ERBB4: variants seen among roughly 807,000 people sequenced by gnomAD.
The protein encoded by ERBB4 is receptor tyrosine-protein kinase erbB-4.
A neutral mutation model predicts 158.0 loss-of-function variants in ERBB4; 42 were observed. The ratio of observed to expected loss-of-function variants is 0.27; its 90% CI spans 0.21 to 0.34. The LOEUF is 0.34. Ranked by LOEUF, ERBB4 falls within the 10% of genes least tolerant of loss-of-function variation. The probability of loss-of-function intolerance (pLI) is 1.00; values close to 1 mark genes in which losing one functional copy is unlikely to be tolerated. For missense variants in ERBB4, 1,333 were observed against 1,624.1 expected (o/e 0.82, Z 3.08); for synonymous variants, 583 against 558.7 (o/e 1.04, Z -0.61).
chr2:212,407,058 T>C (rs567907626), intron 1 of ERBB4, among the ~76,000 whole-genome samples: 1 of 152,150 alleles, frequency 6.6e-6, no homozygotes, highest in East Asian at 1.9e-4. Context: ...CCACTGCCCA[T>C]ATTCCCTATG....
Position 212,373,904 on chromosome 2 carries a change from C to T in ERBB4, c.82+164545G>A, listed in dbSNP as rs1328103528. On this transcript the variant is annotated intron_variant, in intron 1 of 27. Transcript: ENST00000342788. ...ATGTATATATCCATATATATATATC[C>T]ATGTATATATCCATATATATATATC... Among the ~76,000 whole-genome samples the T allele has an allele frequency of 7.8e-5, 8 of 102,764 alleles. 2 individuals are homozygous for T. The highest frequency in any genetic ancestry group is 2.8e-4 in the African/African-American group (7 of 25,350). The allele number at this position is 102,764 out of a possible 152,430, so 67.4% of individuals were successfully genotyped here.
chr2:211,890,667 C>T lies in ERBB4; in HGVS notation c.421+56763G>A, dbSNP rs968715955. Among the ~76,000 whole-genome samples the T allele has an allele frequency of 7.6e-5, 10 of 131,856 alleles. No individual in the cohort carries two copies. In the East Asian group the frequency reaches 8.5e-4, roughly 11 times the overall value. 86.5% of individuals were successfully genotyped at this position (131,856 alleles called of 152,430 possible). On this transcript the variant is annotated intron_variant, in intron 3 of 27. Transcript: ENST00000342788. Reference sequence around the variant, plus strand: ...TGCTGTATTCAGGAAACCCATCTCACGTGCAGAGACACACATAGGCTCAAA... The same window carrying T: ...TGCTGTATTCAGGAAACCCATCTCATGTGCAGAGACACACATAGGCTCAAA...
chr2:212,408,565 C>A lies in ERBB4; in HGVS notation c.82+129884G>T, dbSNP rs532756667. Among the ~76,000 whole-genome samples, 4 of 152,140 alleles carry A rather than the reference C, an allele frequency of 2.6e-5. No homozygotes were observed. The South Asian group carries it at 8.3e-4, about 32-fold the overall frequency. On this transcript the variant is annotated intron_variant, in intron 1 of 27. Transcript: ENST00000342788. Reference sequence around the variant, plus strand: ...GGCTGAGTCAGGAGTATCCCTTGAGCCCAGGAGTTCAAAGCTGTAGTGAAC... The same window carrying A: ...GGCTGAGTCAGGAGTATCCCTTGAGACCAGGAGTTCAAAGCTGTAGTGAAC...
chr2:212,315,861 A>C (rs1188432520), intron 1 of ERBB4, among the ~76,000 whole-genome samples: 2 of 151,524 alleles, frequency 1.3e-5, no homozygotes, highest in Non-Finnish European at 3.0e-5. Context: ...TTATTTTCTA[A>C]AAGTAACAAT....
chr2:212,298,400 A>G (rs1439127945), intron 1 of ERBB4, among the ~76,000 whole-genome samples: 1 of 151,788 alleles, frequency 6.6e-6, no homozygotes, highest in Non-Finnish European at 1.5e-5. Flanking sequence ...GGAATTAAAA[A>G]ACAATATTCT....
rs202145865 is a variant in ERBB4, at chr2:211,411,888, TATTA to T, written c.3135+8549_3135+8552del. Among the ~76,000 whole-genome samples the T allele has an allele frequency of 6.1e-3, 926 of 152,296 alleles. 10 individuals are homozygous for T. Among genetic ancestry groups the T allele is most frequent in the African/African-American group, 0.019 (790 of 41,554 alleles). ...GCCAATAAATGATAAAGCATGGAAA[TATTA>T]ATTAATATTGTATTTCACTTGGTAC... On this transcript the variant is annotated intron_variant, in intron 25 of 27. Transcript: ENST00000342788.
At chr2:211,852,533 G>A (rs1009925338) in intron 3 of ERBB4, among the ~76,000 whole-genome samples, 2 of 151,688 alleles carry the variant, frequency 1.3e-5, no homozygotes, top group Non-Finnish European at 2.9e-5. Context: ...CATACAGCAG[G>A]TCCTCAAATT....
Position 211,931,624 on chromosome 2 carries a change from GA to G in ERBB4, c.421+15805del, listed in dbSNP as rs61246270. Among the ~76,000 whole-genome samples the G allele has an allele frequency of 1.1e-4, 16 of 150,256 alleles. No individual in the cohort carries two copies. In the East Asian group the frequency reaches 1.4e-3, roughly 13 times the overall value. The stretch of plus-strand genomic sequence containing the variant: ...TTATCAAATAATGAAAGGAAAGAAA[GA>G]AAAAAAAACTAAGAAAATTATTCTT... On this transcript the variant is annotated intron_variant, in intron 3 of 27. Coordinates refer to ENST00000342788, the MANE Select transcript of ERBB4 (RefSeq NM_005235.3).
chr2:211,939,408 G>A (rs1438127229), intron 3 of ERBB4, among the ~76,000 whole-genome samples: 1 of 150,422 alleles, frequency 6.6e-6, no homozygotes, highest in Non-Finnish European at 1.5e-5. Context: ...TTTTTTGAAA[G>A]GAACTGAAAG....
intron 1 of ERBB4, among the ~76,000 whole-genome samples, chr2:212,202,220 T>G (rs896616061): frequency 3.9e-5 from 6 of 152,222 alleles, no homozygotes; most frequent in Non-Finnish European, 4.4e-5. Flanking sequence ...GATAGTAACT[T>G]TCTTTGGTTT....
chr2:212,190,450 T>G (rs1329713204), intron 1 of ERBB4, among the ~76,000 whole-genome samples: 1 of 149,954 alleles, frequency 6.7e-6, no homozygotes, highest in African/African-American at 2.5e-5. Context: ...GGCAGGAGAA[T>G]GGCGTGAACC....
chr2:212,365,829 G>A (rs1446390704), intron 1 of ERBB4, among the ~76,000 whole-genome samples: 1 of 151,742 alleles, frequency 6.6e-6, no homozygotes, highest in South Asian at 2.1e-4. Flanking sequence ...ACAAATAACT[G>A]TAAGTACATA....
intron 19 of ERBB4, among the ~76,000 whole-genome samples, chr2:211,592,838 TG>T (rs2068516430): frequency 6.6e-6 from 1 of 152,008 alleles, no homozygotes; most frequent in African/African-American, 2.4e-5. Context: ...AGTCAAACCC[TG>T]TCTCTACTAA....
intron 5 of ERBB4, among the ~76,000 whole-genome samples, chr2:211,738,370 T>TTG (rs1559473833): frequency 6.7e-6 from 1 of 148,974 alleles, no homozygotes; most frequent in Non-Finnish European, 1.5e-5. Context: ...TGTTTTTTTT[T>TTG]TTTTTTTTTT....
In ERBB4 at chr2:211,839,963, T is replaced by A. The variant is rs1490601494; in HGVS notation, c.422-51804A>T. Among the ~76,000 whole-genome samples the A allele has an allele frequency of 3.0e-4, 45 of 152,104 alleles. 1 individual carries two copies. On this transcript the variant is annotated intron_variant, in intron 3 of 27. Transcript: ENST00000342788. Reference sequence around the variant, plus strand: ...ACATGTAGACTGACACTGCCCTTACTTAGTGGGTATTCTCCAGTCCTGTTA... The same window carrying A: ...ACATGTAGACTGACACTGCCCTTACATAGTGGGTATTCTCCAGTCCTGTTA...
chr2:211,830,423 T>C (rs990745655), intron 3 of ERBB4, among the ~76,000 whole-genome samples: 1 of 152,190 alleles, frequency 6.6e-6, no homozygotes. Context: ...CCTTTCTTTA[T>C]AATGATTCCC....
chr2:212,287,327 C>A (rs563625161), intron 1 of ERBB4, among the ~76,000 whole-genome samples: 23 of 152,266 alleles, frequency 1.5e-4, no homozygotes, highest in African/African-American at 5.5e-4. Flanking sequence ...CAGTGAGCAA[C>A]ACTTATTTTT....
intron 3 of ERBB4, among the ~76,000 whole-genome samples, chr2:211,894,647 T>C (rs1484015776): frequency 6.6e-6 from 1 of 152,162 alleles, no homozygotes; most frequent in Admixed American, 6.5e-5. Flanking sequence ...CTAATAGAGT[T>C]TGAGTCTTTT....
At chr2:211,680,098 T>C (rs1289078642) in intron 12 of ERBB4, among the ~76,000 whole-genome samples, 1 of 152,242 alleles carries the variant, frequency 6.6e-6, no homozygotes, top group African/African-American at 2.4e-5. Context: ...ACAGTGATTA[T>C]TTATGCAGAA....
Sources: gnomAD v4.1 joint callset for allele counts (sites outside exome capture counted in the v4.1 genomes callset) on GRCh38, gnomAD v4.1.1 for gene constraint, MANE v1.5 for transcripts, NCBI Gene and HGNC (gene_info 2026-07-23, HGNC 2026-07-21) for gene names.